Variants in NOP53 observed in about 807,000 individuals in gnomAD.
NOP53 encodes the protein ribosome biogenesis protein NOP53.
NOP53 carries 40 observed loss-of-function variants against 61.0 expected under a neutral mutation model. That is an observed-to-expected ratio of 0.66 (90% CI 0.51 to 0.85). The LOEUF (loss-of-function observed/expected upper bound fraction) is 0.85, where lower values mean the gene tolerates loss of function less well. Among genes scored for constraint, NOP53 ranks in the 40% least tolerant of loss-of-function variants. The pLI, the probability that NOP53 is intolerant of heterozygous loss-of-function variation, is 0.00. For synonymous variants in NOP53, 308 were observed against 289.5 expected (o/e 1.06, Z -0.65); for missense variants, 689 against 652.9 (o/e 1.06, Z -0.60).
At position 47,752,498 on chromosome 19, in the gene NOP53, C is replaced by A. The variant is rs983444637; in HGVS notation, c.670-14C>A. ...AACGCACGGCCTTACCCTGCCTCGG[C>A]CTTTTCTCCACAGCGGCCAGCACGC... On this transcript the variant is annotated splice_polypyrimidine_tract_variant and intron_variant, in intron 5 of 12. Coordinates refer to ENST00000246802, the MANE Select transcript of NOP53 (RefSeq NM_015710.5). 4.5e-6 allele frequency: 7 copies of A among 1,560,554 alleles called. No individual in the cohort carries two copies. The African/African-American group carries it at 8.0e-5, about 18-fold the overall frequency.
chr19:47,754,431 C>A lies in NOP53; in HGVS notation c.766-96C>A. 2 of 975,794 alleles carry A rather than the reference C, an allele frequency of 2.0e-6. No individual in the cohort carries two copies. The highest frequency in any genetic ancestry group is 2.1e-5 in the Admixed American group (1 of 48,004). The allele number at this position is 975,794 out of a possible 1,614,324, so 60.4% of individuals were successfully genotyped here. A position where few individuals can be genotyped will look rare whatever the true frequency, so the allele number is the denominator to read the frequency against. On this transcript the variant is annotated intron_variant, in intron 6 of 12. Transcript: ENST00000246802. The surrounding 1 kb of genome is among the most constrained non-coding windows in gnomAD (Gnocchi z 4.2). ...GGAAAGCCTGGGCCGGGGCGGGATC[C>A]ACGGGCACTGGATGAGGGACAGATG... is the stretch of plus-strand genomic sequence containing the variant.
intron 2 of NOP53, among the ~76,000 whole-genome samples, chr19:47,749,632 A>G (rs917069332): frequency 4.6e-5 from 7 of 151,454 alleles, no homozygotes; most frequent in Admixed American, 3.9e-4. Context: ...TGGGAGGAAA[A>G]AGACAGTAAA....
intron 5 of NOP53, among the ~76,000 whole-genome samples, chr19:47,752,186 C>T (rs1438170298): frequency 6.6e-6 from 1 of 152,106 alleles, no homozygotes. Flanking sequence ...AGAGGTAGCA[C>T]ATGAGAAGGT....
intron 6 of NOP53, chr19:47,753,630 G>C (rs1316194846): frequency 6.6e-6 from 1 of 152,158 alleles, no homozygotes; most frequent in Admixed American, 6.5e-5. Flanking sequence ...GCGGAAAAAA[G>C]CAACAGTGTG....
At chr19:47,752,453 C>A in intron 5 of NOP53, 59 bp from the exon 6 acceptor site, 1 of 1,071,976 alleles carries the variant, frequency 9.3e-7, no homozygotes, top group Non-Finnish European at 1.4e-6. Flanking sequence ...ATGGCTGTGT[C>A]CTGGGTCACC....
In NOP53 at chr19:47,754,487, A is replaced by T. The variant is rs1283154857; in HGVS notation, c.766-40A>T. The stretch of plus-strand genomic sequence containing the variant: ...TAAGAGGGTCTAGTCTCAGTGTCCC[A>T]GGAGGGGTTCAGGGACCCATCCTCA... On this transcript the variant is annotated intron_variant, in intron 6 of 12. Coordinates refer to ENST00000246802, the MANE Select transcript of NOP53 (RefSeq NM_015710.5). The surrounding 1 kb of genome is among the most constrained non-coding windows in gnomAD (Gnocchi z 4.2). 7.1e-7 allele frequency: 1 copy of T among 1,416,512 alleles called. No homozygotes were observed. The highest frequency in any genetic ancestry group is 2.5e-5 in the East Asian group (1 of 40,146). 87.7% of individuals were successfully genotyped at this position (1,416,512 alleles called of 1,614,324 possible). A position where few individuals can be genotyped will look rare whatever the true frequency, so the allele number is the denominator to read the frequency against.
intron 10 of NOP53, 82 bp downstream of exon 10, chr19:47,755,904 C>A: frequency 8.4e-7 from 1 of 1,193,076 alleles, no homozygotes; most frequent in Non-Finnish European, 1.2e-6. Flanking sequence ...GGGCTATGGG[C>A]GACACCATGG....
chr19:47,751,982 C>A (rs755731734), intron 5 of NOP53, among the ~76,000 whole-genome samples: 1 of 152,014 alleles, frequency 6.6e-6, no homozygotes, highest in African/African-American at 2.4e-5. Context: ...TGGCACGTGC[C>A]TGTAGTCCCA....
chr19:47,755,515 G>A lies in NOP53; in HGVS notation c.1221G>A (p.Gly407=), dbSNP rs11083895. 997,819 of 1,471,358 alleles carry A rather than the reference G, an allele frequency of 0.68. 345,372 individuals carry two copies. Among genetic ancestry groups the A allele is most frequent in the South Asian group, 0.72 (50,984 of 70,578 alleles). 91.1% of individuals were successfully genotyped at this position (1,471,358 alleles called of 1,614,324 possible). The part of the protein sequence containing the change: ...EAEADKPRRL[G]RLKYQAPDID... ...AGGCTGACAAGCCCCGAAGGCTGGG[G>A]CGGCTCAAGTGAGAACCAGGCCGGG... is the stretch of plus-strand genomic sequence containing the variant. The change falls in exon 9 of 13, where the codon GGG becomes GGA. Residue 407 remains glycine, a synonymous_variant. Transcript: ENST00000246802.
chr19:47,747,996 T>C (rs1967084701), intron 2 of NOP53, among the ~76,000 whole-genome samples: 1 of 151,874 alleles, frequency 6.6e-6, no homozygotes, highest in Non-Finnish European at 1.5e-5. Flanking sequence ...GTCAGGCTGG[T>C]CTCGAACTCC....
chr19:47,746,059 A>G (rs949505915), intron 1 of NOP53: 1 of 486,236 alleles, frequency 2.1e-6, no homozygotes, highest in Non-Finnish European at 3.6e-6. Flanking sequence ...TAGCATAAAT[A>G]CGTTCCATGC....
At chr19:47,747,238 C>T (rs946609878) in intron 2 of NOP53, among the ~76,000 whole-genome samples, 3 of 152,132 alleles carry the variant, frequency 2.0e-5, no homozygotes, top group Non-Finnish European at 4.4e-5. Context: ...TTTGAGATGT[C>T]AGTGATCTCC....
At chr19:47,749,448 A>AAG (rs1247184793) in intron 2 of NOP53, among the ~76,000 whole-genome samples, 73 of 152,256 alleles carry the variant, frequency 4.8e-4, no homozygotes, top group African/African-American at 1.6e-3. Context: ...CATCTTCATA[A>AAG]CGGCCTAGTG....
chr19:47,752,853 G>T, intron 6 of NOP53: 1 of 497,836 alleles, frequency 2.0e-6, no homozygotes, highest in Admixed American at 3.3e-5. Flanking sequence ...CGGGAGGAGG[G>T]GTCGCCTGAG....
At chr19:47,750,839 G>T in intron 3 of NOP53, 69 bp from the exon 4 acceptor site, 1 of 1,342,228 alleles carries the variant, frequency 7.5e-7, no homozygotes, top group East Asian at 2.5e-5. Context: ...AGCCCGACGG[G>T]GAGGAGGCCC....
chr19:47,748,561 GC>G (rs1412122443), intron 2 of NOP53, among the ~76,000 whole-genome samples: 1 of 152,054 alleles, frequency 6.6e-6, no homozygotes, highest in Non-Finnish European at 1.5e-5. Context: ...GGAAGGAGCT[GC>G]CCTGAGGTAC....
At chr19:47,750,776 C>T (rs1342695578) in intron 3 of NOP53, 132 bp from the exon 4 acceptor site, 23 of 726,092 alleles carry the variant, frequency 3.2e-5, no homozygotes, top group Non-Finnish European at 5.5e-5. Flanking sequence ...GAAGAGGGGG[C>T]GGAGTGCCAC....
At chr19:47,747,179 A>G (rs555215843) in intron 2 of NOP53, 148 bp downstream of exon 2, 1 of 617,630 alleles carries the variant, frequency 1.6e-6, no homozygotes, top group African/African-American at 1.9e-5. Context: ...GGGACCTCAA[A>G]TGGGCAGAAA....
intron 2 of NOP53, among the ~76,000 whole-genome samples, 187 bp from the exon 3 acceptor site, chr19:47,749,991 C>G (rs1967105097): frequency 6.6e-6 from 1 of 152,138 alleles, no homozygotes; most frequent in Admixed American, 6.5e-5. Flanking sequence ...TGTGGAGGGT[C>G]AGAGCTTGGG....
Sources: gnomAD v4.1 joint callset for allele counts (sites outside exome capture counted in the v4.1 genomes callset) on GRCh38, gnomAD v4.1.1 for gene constraint, Gnocchi (gnomAD v3.1) non-coding constraint, MANE v1.5 for transcripts, NCBI Gene and HGNC (gene_info 2026-07-23, HGNC 2026-07-21) for gene names.